Variants in CNTNAP2 observed in about 807,000 individuals in gnomAD.
CNTNAP2 encodes contactin-associated protein-like 2.
CNTNAP2 carries 98 observed loss-of-function variants against 155.2 expected under a neutral mutation model. The observed-to-expected ratio is 0.63, with a 90% confidence interval of 0.54 to 0.75. CNTNAP2 has a LOEUF of 0.75. CNTNAP2 is among the 30% of genes least tolerant of loss of function. The probability of loss-of-function intolerance (pLI) is 0.00; values close to 1 mark genes in which losing one functional copy is unlikely to be tolerated. For synonymous variants in CNTNAP2, 651 were observed against 631.2 expected, an observed-to-expected ratio of 1.03 and a Z score of -0.47; for missense variants, 1,727 against 1,688.1, an observed-to-expected ratio of 1.02 and a Z score of -0.40.
chr7:146,970,115 A>T (rs1201844102), intron 3 of CNTNAP2, among the ~76,000 whole-genome samples: 1 of 152,224 alleles, frequency 6.6e-6, no homozygotes, highest in Non-Finnish European at 1.5e-5. Context: ...CCCTAGAAGA[A>T]AACCTAGACA....
intron 1 of CNTNAP2, among the ~76,000 whole-genome samples, chr7:146,754,389 A>G (rs950855934): frequency 1.4e-5 from 2 of 147,462 alleles, no homozygotes; most frequent in African/African-American, 2.5e-5. Context: ...CGTTAAGTAT[A>G]TTTTGATTCA....
intron 13 of CNTNAP2, among the ~76,000 whole-genome samples, chr7:147,658,979 G>A (rs1795572805): frequency 6.6e-6 from 1 of 152,034 alleles, no homozygotes; most frequent in East Asian, 1.9e-4. Context: ...AACTCTTCAG[G>A]GAGGCCCCCC....
intron 12 of CNTNAP2, among the ~76,000 whole-genome samples, chr7:147,570,306 A>G: frequency 6.6e-6 from 1 of 152,202 alleles, no homozygotes; most frequent in Non-Finnish European, 1.5e-5. Flanking sequence ...AGACCATTTT[A>G]GAATTCTGTT....
intron 1 of CNTNAP2, among the ~76,000 whole-genome samples, chr7:146,739,190 GT>G (rs1425961626): frequency 6.6e-6 from 1 of 151,650 alleles, no homozygotes; most frequent in Non-Finnish European, 1.5e-5. Context: ...GACTTAGTTT[GT>G]TTTTGTTTTT....
chr7:146,794,415 A>C (rs1365109876), intron 2 of CNTNAP2, among the ~76,000 whole-genome samples: 1 of 152,216 alleles, frequency 6.6e-6, no homozygotes, highest in Non-Finnish European at 1.5e-5. Flanking sequence ...AAGAGAATGC[A>C]TTCTTTAACA....
At chr7:147,641,160 A>AT (rs200232086) in intron 13 of CNTNAP2, among the ~76,000 whole-genome samples, 6,648 of 152,254 alleles carry the variant, frequency 0.044, 439 homozygotes, top group Admixed American at 0.15. Context: ...GACAAGAAAC[A>AT]TTTTGGAGCT....
In CNTNAP2 at chr7:147,907,892, C is replaced by A. The variant is rs529293142; in HGVS notation, c.2255+4171C>A. On this transcript the variant is annotated intron_variant, in intron 14 of 23. Transcript: ENST00000361727. The stretch of plus-strand genomic sequence containing the variant: ...TGCCCCCAGTCTCATGGCTCAGCCT[C>A]CCAAGTAGCTGGGATTACAGGCACG... 2.6e-5 allele frequency among the ~76,000 whole-genome samples: 4 copies of A among 152,104 alleles called. No individual in the cohort carries two copies. The East Asian group carries it at 5.8e-4, about 22-fold the overall frequency.
At chr7:148,399,619 G>GT (rs1799541323) in intron 22 of CNTNAP2, among the ~76,000 whole-genome samples, 1 of 152,086 alleles carries the variant, frequency 6.6e-6, no homozygotes, top group South Asian at 2.1e-4. Context: ...CTCTTTGGCT[G>GT]TTTTTTCCTA....
chr7:146,799,965 TA>T (rs1053170487), intron 2 of CNTNAP2, among the ~76,000 whole-genome samples: 3 of 126,164 alleles, frequency 2.4e-5, no homozygotes, highest in Non-Finnish European at 4.6e-5. Flanking sequence ...ATCTGTTAAA[TA>T]AAAAAAGTAT....
At chr7:147,320,824 T>A (rs1372227717) in intron 9 of CNTNAP2, among the ~76,000 whole-genome samples, 2 of 152,148 alleles carry the variant, frequency 1.3e-5, no homozygotes, top group Admixed American at 6.5e-5. Flanking sequence ...CGTGATCCTA[T>A]CTGAGAAGGG....
rs138817769 is a variant in CNTNAP2, at chr7:146,905,229, G to C, written c.402+65325G>C. On this transcript the variant is annotated intron_variant, in intron 3 of 23. Transcript: ENST00000361727. ...GGGGGAAATTGCCTCTGGCCTAGAA[G>C]ATCTTGGATGCCTCCTTAGCCTTTG... Among the ~76,000 whole-genome samples, 1,480 of 152,082 alleles carry C rather than the reference G, an allele frequency of 9.7e-3. 12 individuals are homozygous for C. Among genetic ancestry groups the C allele is most frequent in the South Asian group, 0.022 (104 of 4,816 alleles).
chr7:146,922,989 T>A (rs1796535224), intron 3 of CNTNAP2, among the ~76,000 whole-genome samples: 1 of 152,126 alleles, frequency 6.6e-6, no homozygotes, highest in Admixed American at 6.6e-5. Context: ...GGGAAAAATG[T>A]TTTCAATCAC....
intron 14 of CNTNAP2, among the ~76,000 whole-genome samples, chr7:147,936,682 G>A (rs996753284): frequency 2.6e-5 from 4 of 151,980 alleles, no homozygotes; most frequent in Non-Finnish European, 5.9e-5. Flanking sequence ...CCTTGAAAGA[G>A]AATAAACAAC....
rs534897694 is a variant in CNTNAP2, at chr7:147,596,147, A to G, written c.1897+33890A>G. Among the ~76,000 whole-genome samples the G allele has an allele frequency of 1.1e-4, 17 of 152,218 alleles. No homozygotes were observed. The South Asian group carries it at 2.9e-3, about 26-fold the overall frequency. On this transcript the variant is annotated intron_variant, in intron 12 of 23. Transcript: ENST00000361727. Reference sequence around the variant, plus strand: ...TGACTTGTTAAAAATGAAACTTTTGATCCCTCCACCAGGAAAATGTGTTCT... The same window carrying G: ...TGACTTGTTAAAAATGAAACTTTTGGTCCCTCCACCAGGAAAATGTGTTCT...
chr7:146,116,860 C>T lies in CNTNAP2; in HGVS notation c.-17C>T. On this transcript the variant is annotated 5_prime_UTR_variant, in exon 1 of 24. Transcript: ENST00000361727. The surrounding 1 kb of genome is among the most constrained non-coding windows in gnomAD (Gnocchi z 5.5). ...CCGCAGCGAGCTCTTGGAGCGCCGC[C>T]GGCCGGGAGGCGAAGGATGCAGGCG... 6.5e-7 allele frequency: 1 copy of T among 1,537,828 alleles called. No homozygotes were observed. Among genetic ancestry groups the T allele is most frequent in the Non-Finnish European group, 8.8e-7 (1 of 1,139,356 alleles).
At position 148,416,517 on chromosome 7, in the gene CNTNAP2, GCT is replaced by G. The variant is rs909960911; in HGVS notation, c.*904_*905del. ...TAGAGCCAGATGTTATGATTTGTTT[GCT>G]CTTTTTCTTTTATAGTTTAGTTATA... On this transcript the variant is annotated 3_prime_UTR_variant, in exon 24 of 24. Transcript: ENST00000361727. 3.9e-4 allele frequency: 15 copies of G among 38,348 alleles called. No individual in the cohort carries two copies. The highest frequency in any genetic ancestry group is 1.5e-3 in the African/African-American group (13 of 8,600). 2.4% of individuals were successfully genotyped at this position (38,348 alleles called of 1,614,324 possible).
intron 12 of CNTNAP2, among the ~76,000 whole-genome samples, chr7:147,595,709 T>C (rs952641121): frequency 2.6e-5 from 4 of 152,228 alleles, no homozygotes; most frequent in African/African-American, 9.6e-5. Flanking sequence ...ACCTGAACGA[T>C]TGTTGTGGCA....
Position 147,146,253 on chromosome 7 carries a change from C to G in CNTNAP2, c.1348+13744C>G, listed in dbSNP as rs116186187. 520 of 154,262 alleles carry G rather than the reference C, an allele frequency of 3.4e-3. 3 individuals carry two copies. Among genetic ancestry groups the G allele is most frequent in the African/African-American group, 0.012 (502 of 41,670 alleles). 9.6% of individuals were successfully genotyped at this position (154,262 alleles called of 1,614,324 possible). Reference sequence around the variant, plus strand: ...CTTGTTCTTCCGTCTCTCTCCTCTGCTCACCTTCTCAGTCTGCCATGCCCT... The same window carrying G: ...CTTGTTCTTCCGTCTCTCTCCTCTGGTCACCTTCTCAGTCTGCCATGCCCT... On this transcript the variant is annotated intron_variant, in intron 8 of 23. Coordinates refer to ENST00000361727, the MANE Select transcript of CNTNAP2 (RefSeq NM_014141.6).
intron 1 of CNTNAP2, among the ~76,000 whole-genome samples, chr7:146,521,892 C>T (rs1269219091): frequency 6.6e-6 from 1 of 151,958 alleles, no homozygotes; most frequent in Non-Finnish European, 1.5e-5. Context: ...TTAATTCCGC[C>T]TAGTGTTTTT....
Sources: gnomAD v4.1 joint callset for allele counts (sites outside exome capture counted in the v4.1 genomes callset) on GRCh38, gnomAD v4.1.1 for gene constraint, Gnocchi (gnomAD v3.1) non-coding constraint, MANE v1.5 for transcripts, NCBI Gene and HGNC (gene_info 2026-07-23, HGNC 2026-07-21) for gene names.